The following MOV10 variants were observed in gnomAD, a reference collection of about 807,000 sequenced individuals.
MOV10 encodes RNA helicase MOV-10.
Under a neutral mutation model 108.4 loss-of-function variants are expected in MOV10, and 39 were observed. The ratio of observed to expected loss-of-function variants is 0.36; its 90% CI spans 0.28 to 0.47. The LOEUF is 0.47. Among genes scored for constraint, MOV10 ranks in the 20% least tolerant of loss-of-function variants. The probability of loss-of-function intolerance (pLI) is 1.00; values close to 1 mark genes in which losing one functional copy is unlikely to be tolerated. For missense variants in MOV10, 952 were observed against 1,297.6 expected (o/e 0.73, Z 4.09); for synonymous variants, 490 against 523.1 (o/e 0.94, Z 0.86).
intron 18 of MOV10, 29 bp downstream of exon 18, chr1:112,699,839 T>C: frequency 2.5e-6 from 4 of 1,614,080 alleles, no homozygotes; most frequent in Non-Finnish European, 3.4e-6. Context: ...GTGGCAGGAA[T>C]TCTTCCATTC....
At chr1:112,696,584 A>C in intron 13 of MOV10, 46 bp from the exon 14 acceptor site, 1 of 1,611,108 alleles carries the variant, frequency 6.2e-7, no homozygotes, top group Non-Finnish European at 8.5e-7. Context: ...TGGGTCAGAG[A>C]GGTTGCACCA....
intron 2 of MOV10, among the ~76,000 whole-genome samples, chr1:112,677,613 C>G (rs1029340567): frequency 6.6e-6 from 1 of 152,072 alleles, no homozygotes; most frequent in Admixed American, 6.6e-5. Flanking sequence ...GTGTATTATG[C>G]TAGCCACGCA....
chr1:112,691,894 T>TGAG, intron 6 of MOV10, 95 bp downstream of exon 6: 2 of 1,397,810 alleles, frequency 1.4e-6, no homozygotes, highest in Non-Finnish European at 2.0e-6. Context: ...CCTCCCAGGC[T>TGAG]GTATTCATTC....
chr1:112,681,716 T>TA (rs1031109412), intron 2 of MOV10, among the ~76,000 whole-genome samples: 4 of 152,092 alleles, frequency 2.6e-5, no homozygotes, highest in African/African-American at 9.7e-5. Context: ...TATCTGCCCA[T>TA]AGATCCATCC....
In MOV10 at chr1:112,689,990, A is replaced by G. The variant is rs767043168; in HGVS notation, c.728A>G (p.His243Arg). 1.7e-5 allele frequency: 27 copies of G among 1,613,992 alleles called. No homozygotes were observed. The highest frequency in any genetic ancestry group is 2.3e-5 in the Non-Finnish European group (27 of 1,180,050). Residue 243 changes from histidine to arginine, a missense_variant, in exon 5 of 21, where the codon CAC becomes CGC. By Grantham distance (29) the His-to-Arg change is conservative (BLOSUM62 0). Around this residue, in one of 5 missense-constraint regions of MOV10, gnomAD observed 374 missense variants for 468.6 expected, o/e 0.80. Transcript: ENST00000369645. Reference sequence around the variant, plus strand: ...GCCCGCTTCTTGGCTGCCGTCGCCCACAGCCCCCTGGCTGCACAGCTGAAG... The same window carrying G: ...GCCCGCTTCTTGGCTGCCGTCGCCCGCAGCCCCCTGGCTGCACAGCTGAAG... ...YIARFLAAVA[H>R]SPLAAQLKPM...
At chr1:112,688,830 G>C in intron 2 of MOV10, 105 bp from the exon 3 acceptor site, 3 of 1,564,608 alleles carry the variant, frequency 1.9e-6, no homozygotes, top group Non-Finnish European at 2.6e-6. Flanking sequence ...AGCAGGGCTG[G>C]TGTGTCCAGC....
At chr1:112,686,810 G>T (rs1473978622) in intron 2 of MOV10, among the ~76,000 whole-genome samples, 1 of 152,158 alleles carries the variant, frequency 6.6e-6, no homozygotes, top group Non-Finnish European at 1.5e-5. Context: ...TCCCCCTTCT[G>T]TCAGTCACCA....
At chr1:112,688,857 A>G (rs931499672) in intron 2 of MOV10, 78 bp from the exon 3 acceptor site, 1 of 1,598,718 alleles carries the variant, frequency 6.3e-7, no homozygotes, top group Non-Finnish European at 8.5e-7. Flanking sequence ...TGACCCTCCG[A>G]TGCCCTTTCC....
In MOV10 at chr1:112,692,936, G is replaced by A. The variant is rs757275095; in HGVS notation, c.1140+7G>A. 6.2e-7 allele frequency: 1 copy of A among 1,603,764 alleles called. No individual in the cohort carries two copies. The highest frequency in any genetic ancestry group is 8.5e-7 in the Non-Finnish European group (1 of 1,175,690). ...CAGGCTGCTCACGCTGGAGGTCAGGGCTCAGATTGAGTGTGAGGAGGGTGG... is the reference window on the plus strand; with the variant it reads ...CAGGCTGCTCACGCTGGAGGTCAGGACTCAGATTGAGTGTGAGGAGGGTGG... On this transcript the variant is annotated splice_region_variant and intron_variant, in intron 7 of 20. Coordinates refer to ENST00000369645, the MANE Select transcript of MOV10 (RefSeq NM_001321324.2).
chr1:112,698,827 G>A (rs753714653), intron 17 of MOV10, 38 bp downstream of exon 17: 2 of 1,571,300 alleles, frequency 1.3e-6, no homozygotes, highest in African/African-American at 1.3e-5. Flanking sequence ...TGCCTTCCGT[G>A]TGCCCCCACT....
upstream of MOV10, chr1:112,674,612 C>A: frequency 3.8e-6 from 1 of 260,886 alleles, no homozygotes. Context: ...TGGCTAGAAG[C>A]CAGGGGAGGG....
At chr1:112,684,778 A>G (rs1672944861) in intron 2 of MOV10, among the ~76,000 whole-genome samples, 1 of 152,124 alleles carries the variant, frequency 6.6e-6, no homozygotes, top group African/African-American at 2.4e-5. Context: ...TTTAATTTGC[A>G]TTTCTCTACA....
In MOV10 at chr1:112,695,493, G is replaced by A. The variant is rs773296247; in HGVS notation, c.1698G>A (p.Arg566=). 7 of 1,614,202 alleles carry A rather than the reference G, an allele frequency of 4.3e-6. No individual in the cohort carries two copies. The highest frequency in any genetic ancestry group is 3.3e-5 in the South Asian group (3 of 91,088). ...SNSGADLLCQ[R]LRVHLPSSIY... ...CAGGGGCTGACCTACTCTGTCAAAGGCTCCGGGTCCACCTTCCTAGCTCCA... is the reference window on the plus strand; with the variant it reads ...CAGGGGCTGACCTACTCTGTCAAAGACTCCGGGTCCACCTTCCTAGCTCCA... The change falls in exon 11 of 21, where the codon AGG becomes AGA. Residue 566 remains arginine (R), a synonymous_variant. Coordinates refer to ENST00000369645, the MANE Select transcript of MOV10 (RefSeq NM_001321324.2).
rs115907417 is a variant in MOV10, at chr1:112,677,773, G to A, written c.137+2724G>A. On this transcript the variant is annotated intron_variant, in intron 2 of 20. Transcript: ENST00000369645. ...CTAACAAGAGAATGGGCCATATAGC[G>A]GGGGGTATAGCAAGTCACACTCTTT... Among the ~76,000 whole-genome samples, 1,177 of 152,146 alleles carry A rather than the reference G, an allele frequency of 7.7e-3. 24 individuals carry two copies. Among genetic ancestry groups the A allele is most frequent in the African/African-American group, 0.027 (1,113 of 41,432 alleles).
rs751094397 is a variant in MOV10 at position 112,696,585 on chromosome 1, G to A, written c.1982-45G>A. 5.0e-6 allele frequency: 8 copies of A among 1,611,786 alleles called. No homozygotes were observed. The South Asian group carries it at 7.7e-5, about 15-fold the overall frequency. On this transcript the variant is annotated intron_variant, in intron 13 of 20. Coordinates refer to ENST00000369645, the MANE Select transcript of MOV10 (RefSeq NM_001321324.2). ...GTATACACCCTGTGTGGGTCAGAGA[G>A]GTTGCACCACTTACCTTTCTTCCCA...
chr1:112,698,548 C>CT, intron 16 of MOV10, 70 bp downstream of exon 16: 1 of 1,533,972 alleles, frequency 6.5e-7, no homozygotes, highest in South Asian at 1.2e-5. Context: ...ATCCAGACCA[C>CT]TAGGCAGAGG....
At position 112,694,991 on chromosome 1, in the gene MOV10, C is replaced by G; in HGVS notation, c.1620+95C>G. ...CTAGTTCCTTCCCACTCCCGAAATGCTCCTGCTTCTAAGCAGCCATCAGAA... is the reference window on the plus strand; with the variant it reads ...CTAGTTCCTTCCCACTCCCGAAATGGTCCTGCTTCTAAGCAGCCATCAGAA... On this transcript the variant is annotated intron_variant, in intron 10 of 20. Transcript: ENST00000369645. The surrounding 1 kb of genome is among the most constrained non-coding windows in gnomAD (Gnocchi z 4.1). 1 of 1,396,552 alleles carries G rather than the reference C, an allele frequency of 7.2e-7. No homozygotes were observed. The highest frequency in any genetic ancestry group is 9.7e-7 in the Non-Finnish European group (1 of 1,033,008). The allele number at this position is 1,396,552 out of a possible 1,614,324, so 86.5% of individuals were successfully genotyped here.
intron 5 of MOV10, among the ~76,000 whole-genome samples, chr1:112,691,342 A>G (rs142762481): frequency 1.2e-3 from 185 of 152,298 alleles, no homozygotes; most frequent in African/African-American, 4.1e-3. Context: ...CTTTTTGTTG[A>G]CTATATATGT....
rs953119433 is a variant in MOV10, at chr1:112,675,274, G to T, written c.137+225G>T. On this transcript the variant is annotated intron_variant, in intron 2 of 20. Coordinates refer to ENST00000369645, the MANE Select transcript of MOV10 (RefSeq NM_001321324.2). The surrounding 1 kb of genome is among the most constrained non-coding windows in gnomAD (Gnocchi z 4.7). ...TGCCCGAGCTGGGCCCCTGCGCCAAGTCGCCGCGGAGAGCCTCCCGCGCTG... is the reference window on the plus strand; with the variant it reads ...TGCCCGAGCTGGGCCCCTGCGCCAATTCGCCGCGGAGAGCCTCCCGCGCTG... 6.6e-6 allele frequency among the ~76,000 whole-genome samples: 1 copy of T among 151,946 alleles called. No individual in the cohort carries two copies. The highest frequency in any genetic ancestry group is 1.5e-5 in the Non-Finnish European group (1 of 67,954).
Sources: gnomAD v4.1 joint callset for allele counts (sites outside exome capture counted in the v4.1 genomes callset) on GRCh38, gnomAD v4.1.1 for gene constraint, gnomAD v4.1.1 regional missense constraint, Gnocchi (gnomAD v3.1) non-coding constraint, MANE v1.5 for transcripts, NCBI Gene and HGNC (gene_info 2026-07-23, HGNC 2026-07-21) for gene names.